GAREM1: variants seen among roughly 807,000 people sequenced by gnomAD.
GAREM1 encodes GRB2 associated regulator of MAPK1 subtype 1, also known as GRB2-associated and regulator of MAPK protein 1.
GAREM1 carries 26 observed loss-of-function variants against 71.3 expected under a neutral mutation model. The observed-to-expected ratio is 0.36, with a 90% CI of 0.27 to 0.51. GAREM1 has a LOEUF of 0.51. Among genes scored for constraint, GAREM1 ranks in the 20% least tolerant of loss-of-function variants. GAREM1 has a pLI of 0.95. For synonymous variants in GAREM1, 440 were observed against 433.2 expected (o/e 1.02, Z -0.20); for missense variants, 1,026 against 1,103.1 (o/e 0.93, Z 0.99).
rs532407118 is a variant in GAREM1, at chr18:32,448,272, G to A, written c.121+22036C>T. Among the ~76,000 whole-genome samples the A allele has an allele frequency of 1.3e-3, 194 of 152,276 alleles. 1 individual carries two copies. Among genetic ancestry groups the A allele is most frequent in the African/African-American group, 4.5e-3 (186 of 41,554 alleles). Reference sequence around the variant, plus strand: ...GCAGCTTTCACAGGATCTCCAAAAAGCTAAGCAAGAATCACTGCTAATGTT... The same window carrying A: ...GCAGCTTTCACAGGATCTCCAAAAAACTAAGCAAGAATCACTGCTAATGTT... On this transcript the variant is annotated intron_variant, in intron 1 of 5. Coordinates refer to ENST00000269209, the MANE Select transcript of GAREM1 (RefSeq NM_001242409.2).
chr18:32,292,919 ACT>A (rs1459521630), intron 3 of GAREM1, among the ~76,000 whole-genome samples: 4 of 152,264 alleles, frequency 2.6e-5, no homozygotes, highest in East Asian at 1.9e-4. Context: ...GGGTAGAGAA[ACT>A]CTGAGTCAAA....
intron 1 of GAREM1, among the ~76,000 whole-genome samples, chr18:32,400,797 C>T (rs2048307071): frequency 6.6e-6 from 1 of 152,126 alleles, no homozygotes; most frequent in African/African-American, 2.4e-5. Flanking sequence ...CTAGAAATAC[C>T]ATTTGACCCA....
At chr18:32,388,817 T>C (rs551085304) in intron 2 of GAREM1, among the ~76,000 whole-genome samples, 3 of 152,280 alleles carry the variant, frequency 2.0e-5, no homozygotes, top group East Asian at 3.9e-4. Context: ...AGACTGGATG[T>C]TGTCCCAGAG....
chr18:32,281,009 T>C (rs1021391750), intron 4 of GAREM1, among the ~76,000 whole-genome samples: 3 of 152,174 alleles, frequency 2.0e-5, no homozygotes, highest in Non-Finnish European at 4.4e-5. Flanking sequence ...CTGGAATCCA[T>C]CCTATATTAA....
intron 2 of GAREM1, among the ~76,000 whole-genome samples, chr18:32,335,363 T>C (rs1467115843): frequency 1.3e-5 from 2 of 152,318 alleles, no homozygotes; most frequent in East Asian, 3.9e-4. Flanking sequence ...CGGTTCTGTG[T>C]GCACATGGTC....
At chr18:32,432,665 C>T (rs539020098) in intron 1 of GAREM1, among the ~76,000 whole-genome samples, 28 of 152,248 alleles carry the variant, frequency 1.8e-4, no homozygotes, top group African/African-American at 6.3e-4. Flanking sequence ...CTAAGAACAA[C>T]TCCACACGTA....
At chr18:32,372,478 G>A (rs1206721765) in intron 2 of GAREM1, among the ~76,000 whole-genome samples, 1 of 152,058 alleles carries the variant, frequency 6.6e-6, no homozygotes, top group Non-Finnish European at 1.5e-5. Context: ...TGTTTCCAGG[G>A]GTTTAAACAC....
intron 1 of GAREM1, among the ~76,000 whole-genome samples, chr18:32,425,432 T>C (rs188354311): frequency 3.9e-5 from 6 of 152,308 alleles, no homozygotes; most frequent in Admixed American, 2.6e-4. Context: ...TTTTCCTCCA[T>C]AGTCTGCTAA....
chr18:32,390,336 T>C (rs2048183845), intron 2 of GAREM1, among the ~76,000 whole-genome samples: 1 of 152,204 alleles, frequency 6.6e-6, no homozygotes, highest in African/African-American at 2.4e-5. Context: ...TCAGCTGGAA[T>C]CTATTTGTAC....
In GAREM1 at chr18:32,415,209, A is replaced by T. The variant is rs142962322; in HGVS notation, c.122-22174T>A. ...AACAAGTAACGAGATCAAAGCCATAATAAAAGTCTTCTAGTAAATAAAAGC... is the reference window on the plus strand; with the variant it reads ...AACAAGTAACGAGATCAAAGCCATATTAAAAGTCTTCTAGTAAATAAAAGC... On this transcript the variant is annotated intron_variant, in intron 1 of 5. Transcript: ENST00000269209. 2.4e-4 allele frequency among the ~76,000 whole-genome samples: 36 copies of T among 152,244 alleles called. 1 individual carries two copies. The East Asian group carries it at 6.7e-3, about 28-fold the overall frequency.
intron 3 of GAREM1, 96 bp downstream of exon 3, chr18:32,310,097 T>G: frequency 7.1e-7 from 1 of 1,400,974 alleles, no homozygotes; most frequent in East Asian, 2.3e-5. Flanking sequence ...AAAACCCTCC[T>G]AGGAGACACA....
Position 32,355,527 on chromosome 18 carries a change from C to T in GAREM1, c.262+37368G>A, listed in dbSNP as rs192588181. Among the ~76,000 whole-genome samples, 552 of 152,202 alleles carry T rather than the reference C, an allele frequency of 3.6e-3. 3 individuals carry two copies. The highest frequency in any genetic ancestry group is 6.0e-3 in the Admixed American group (92 of 15,286). ...CACTCATGTTTCAGAGCTTTATGCT[C>T]AATGTTTCATCACTAAAAAGAGTGA... On this transcript the variant is annotated intron_variant, in intron 2 of 5. Transcript: ENST00000269209.
intron 2 of GAREM1, among the ~76,000 whole-genome samples, chr18:32,380,471 A>C (rs1438907188): frequency 8.0e-6 from 1 of 125,508 alleles, no homozygotes; most frequent in African/African-American, 3.4e-5. Context: ...GTGAGACTTC[A>C]TTTAAAAAAA....
At position 32,382,021 on chromosome 18, in the gene GAREM1, C is replaced by T. The variant is rs375622665; in HGVS notation, c.262+10874G>A. Among the ~76,000 whole-genome samples, 3 of 152,326 alleles carry T rather than the reference C, an allele frequency of 2.0e-5. No homozygotes were observed. The East Asian group carries it at 5.8e-4, about 29-fold the overall frequency. ...ACCATTCCTGGTCAATGTCTCAGAGCTGTACCTGCCTGACTGGAGGGAATT... is the reference window on the plus strand; with the variant it reads ...ACCATTCCTGGTCAATGTCTCAGAGTTGTACCTGCCTGACTGGAGGGAATT... On this transcript the variant is annotated intron_variant, in intron 2 of 5. Transcript: ENST00000269209.
At chr18:32,455,627 G>A (rs994602690) in intron 1 of GAREM1, among the ~76,000 whole-genome samples, 1 of 152,068 alleles carries the variant, frequency 6.6e-6, no homozygotes, top group African/African-American at 2.4e-5. Flanking sequence ...CATTTAACAA[G>A]CTACTATCAC....
chr18:32,395,473 G>C (rs2048243805), intron 1 of GAREM1, among the ~76,000 whole-genome samples: 1 of 152,212 alleles, frequency 6.6e-6, no homozygotes, highest in South Asian at 2.1e-4. Flanking sequence ...TGGGTAAGAA[G>C]ATCAGGATTA....
At position 32,397,248 on chromosome 18, in the gene GAREM1, C is replaced by T. The variant is rs375364905; in HGVS notation, c.122-4213G>A. Among the ~76,000 whole-genome samples, 53 of 152,212 alleles carry T rather than the reference C, an allele frequency of 3.5e-4. 1 individual carries two copies. The South Asian group carries it at 8.9e-3, about 26-fold the overall frequency. On this transcript the variant is annotated intron_variant, in intron 1 of 5. Transcript: ENST00000269209. ...GCTAGGAAGAAACTGCATCAACTAACGAGCAAAATAACCAGCTAACATCAT... is the reference window on the plus strand; with the variant it reads ...GCTAGGAAGAAACTGCATCAACTAATGAGCAAAATAACCAGCTAACATCAT...
intron 3 of GAREM1, among the ~76,000 whole-genome samples, chr18:32,289,061 C>T (rs79610002): frequency 0.014 from 2,192 of 152,172 alleles, 57 homozygotes; most frequent in African/African-American, 0.05. Context: ...ACAAAAGCTA[C>T]GCATATATTT....
intron 4 of GAREM1, among the ~76,000 whole-genome samples, chr18:32,277,908 G>A (rs2041563294): frequency 6.6e-6 from 1 of 152,196 alleles, no homozygotes; most frequent in African/African-American, 2.4e-5. Context: ...TACAATTGGA[G>A]TGCTTTCTAC....
Sources: gnomAD v4.1 joint callset for allele counts (sites outside exome capture counted in the v4.1 genomes callset) on GRCh38, gnomAD v4.1.1 for gene constraint, MANE v1.5 for transcripts, NCBI Gene and HGNC (gene_info 2026-07-23, HGNC 2026-07-21) for gene names.